CPXM2: variants seen among roughly 807,000 people sequenced by gnomAD.
CPXM2 encodes carboxypeptidase X, M14 family member 2.
A neutral mutation model predicts 86.1 loss-of-function variants in CPXM2; 66 were observed. The ratio of observed to expected loss-of-function variants is 0.77; its 90% CI spans 0.63 to 0.94. The LOEUF (loss-of-function observed/expected upper bound fraction) is 0.94, where lower values mean the gene tolerates loss of function less well. Among genes scored for constraint, CPXM2 ranks in the 40% least tolerant of loss-of-function variants. The probability of loss-of-function intolerance (pLI) is 0.00; values close to 1 mark genes in which losing one functional copy is unlikely to be tolerated. For missense variants in CPXM2, 948 were observed against 1,026.3 expected, an observed-to-expected ratio of 0.92 and a Z score of 1.04; for synonymous variants, 388 against 400.2, an observed-to-expected ratio of 0.97 and a Z score of 0.36.
At chr10:123,759,981 G>A (rs972453136) in intron 11 of CPXM2, among the ~76,000 whole-genome samples, 13 of 152,164 alleles carry the variant, frequency 8.5e-5, no homozygotes, top group African/African-American at 3.1e-4. Context: ...GAGAGGGAGG[G>A]GGAGGAAAGG....
chr10:123,801,744 C>T (rs1228141256), intron 4 of CPXM2, among the ~76,000 whole-genome samples: 2 of 152,174 alleles, frequency 1.3e-5, no homozygotes, highest in Non-Finnish European at 2.9e-5. Context: ...GCTTGCCTTG[C>T]GTTCTCCGTG....
At chr10:123,938,031 C>A in intron 2 of CPXM2, among the ~76,000 whole-genome samples, 1 of 152,118 alleles carries the variant, frequency 6.6e-6, no homozygotes, top group South Asian at 2.1e-4. Context: ...GGTACACCAC[C>A]AAGAAAATGA....
At chr10:123,899,149 T>G (rs34518502) in intron 2 of CPXM2, among the ~76,000 whole-genome samples, 41,911 of 152,216 alleles carry the variant, frequency 0.28, 6,139 homozygotes, top group Middle Eastern at 0.35. Flanking sequence ...AGAATGAAAT[T>G]ATTAGAAAAG....
chr10:123,831,965 G>A (rs1393831802), intron 4 of CPXM2, among the ~76,000 whole-genome samples: 2 of 145,464 alleles, frequency 1.4e-5, no homozygotes, highest in African/African-American at 2.5e-5. Flanking sequence ...GTGCCAGGGG[G>A]TGGGGGTTGT....
chr10:123,939,569 T>C (rs1262554236), intron 1 of CPXM2: 3 of 152,188 alleles, frequency 2.0e-5, no homozygotes, highest in Non-Finnish European at 4.4e-5. Context: ...CGCCCTAATA[T>C]ACAGGGTCAT....
intron 1 of CPXM2, among the ~76,000 whole-genome samples, chr10:123,884,311 AGATCTGCTGGGAG>A (rs1006174390): frequency 2.0e-5 from 3 of 152,216 alleles, no homozygotes; most frequent in African/African-American, 4.8e-5. Context: ...CAAACACACC[AGATCTGCTGGGAG>A]GATCTGCTGG....
intron 3 of CPXM2, among the ~76,000 whole-genome samples, chr10:123,856,401 G>A (rs1227459791): frequency 6.6e-6 from 1 of 152,162 alleles, no homozygotes; most frequent in Non-Finnish European, 1.5e-5. Context: ...ACTTCAGCAG[G>A]GCTGCTGTCC....
At chr10:123,773,651 G>A (rs1431227575) in intron 7 of CPXM2, among the ~76,000 whole-genome samples, 1 of 152,150 alleles carries the variant, frequency 6.6e-6, no homozygotes, top group Non-Finnish European at 1.5e-5. Context: ...GCAGCACACA[G>A]CCAATAAGAG....
At chr10:123,881,467 G>A (rs1023779503) in intron 1 of CPXM2, among the ~76,000 whole-genome samples, 1 of 151,964 alleles carries the variant, frequency 6.6e-6, no homozygotes, top group African/African-American at 2.4e-5. Flanking sequence ...GGGAAGGAAG[G>A]GAAGCAGGAT....
At position 123,819,081 on chromosome 10, in the gene CPXM2, C is replaced by T. The variant is rs557453013; in HGVS notation, c.654-19882G>A. On this transcript the variant is annotated intron_variant, in intron 4 of 13. Transcript: ENST00000241305. ...GGAAGTTAAAATTGCCACCTAGATG[C>T]TTTGGGCTCCTCCTACCTTTAAGTC... Among the ~76,000 whole-genome samples, 25 of 55,172 alleles carry T rather than the reference C, an allele frequency of 4.5e-4. 1 individual carries two copies. Among genetic ancestry groups the T allele is most frequent in the African/African-American group, 9.0e-4 (25 of 27,636 alleles). The allele number at this position is 55,172 out of a possible 152,430, so 36.2% of individuals were successfully genotyped here.
upstream of CPXM2, among the ~76,000 whole-genome samples, chr10:123,943,095 C>A (rs1460511608): frequency 1.3e-5 from 2 of 152,192 alleles, no homozygotes; most frequent in African/African-American, 4.8e-5. Context: ...CTGATGTTCA[C>A]ACTATGACAA....
chr10:123,931,752 A>G (rs530038084), intron 2 of CPXM2, among the ~76,000 whole-genome samples: 2 of 152,362 alleles, frequency 1.3e-5, no homozygotes, highest in East Asian at 3.9e-4. Context: ...TTAGATTAGT[A>G]TATTCATATC....
chr10:123,800,444 C>A (rs1266518746), intron 4 of CPXM2, among the ~76,000 whole-genome samples: 1 of 152,150 alleles, frequency 6.6e-6, no homozygotes, highest in Non-Finnish European at 1.5e-5. Context: ...AGAAAAGCAC[C>A]TCGGCAACAG....
chr10:123,928,200 G>A (rs1945640120), intron 2 of CPXM2, among the ~76,000 whole-genome samples: 1 of 152,166 alleles, frequency 6.6e-6, no homozygotes, highest in South Asian at 2.1e-4. Flanking sequence ...AGAGAGCTTT[G>A]ATTCACCACA....
intron 2 of CPXM2, among the ~76,000 whole-genome samples, chr10:123,911,213 T>C (rs963837116): frequency 1.3e-5 from 2 of 152,226 alleles, no homozygotes; most frequent in African/African-American, 4.8e-5. Context: ...TTGATCTATC[T>C]AGTTTTGTGA....
intron 4 of CPXM2, among the ~76,000 whole-genome samples, chr10:123,814,623 G>C (rs1847774964): frequency 1.3e-5 from 2 of 152,064 alleles, no homozygotes; most frequent in South Asian, 4.1e-4. Context: ...TTGGTTTGGG[G>C]GTTTCTGGAG....
At chr10:123,892,557 T>TG (rs568233512), upstream of CPXM2, among the ~76,000 whole-genome samples, 170 of 152,284 alleles carry the variant, frequency 1.1e-3, no homozygotes, top group African/African-American at 3.8e-3. Flanking sequence ...GGCGGGGATG[T>TG]GGGGAACCAG....
intron 7 of CPXM2, among the ~76,000 whole-genome samples, chr10:123,779,819 C>G (rs1057020153): frequency 3.9e-5 from 6 of 152,138 alleles, no homozygotes; most frequent in Non-Finnish European, 5.9e-5. Flanking sequence ...CTATTATTAT[C>G]TATGTCATCC....
intron 2 of CPXM2, among the ~76,000 whole-genome samples, chr10:123,901,617 G>A (rs1229401114): frequency 6.6e-6 from 1 of 152,140 alleles, no homozygotes; most frequent in Non-Finnish European, 1.5e-5. Flanking sequence ...GAACCTGAAA[G>A]AGCCAATCTT....
Sources: allele counts gnomAD v4.1 joint callset (sites outside exome capture counted in the v4.1 genomes callset), GRCh38; gene constraint gnomAD v4.1.1; transcripts MANE v1.5; gene names NCBI Gene and HGNC (gene_info 2026-07-23, HGNC 2026-07-21).